Variants in TBL2 observed in about 807,000 individuals in gnomAD.
The protein encoded by TBL2 is transducin beta-like protein 2.
Under a neutral mutation model 41.8 loss-of-function variants are expected in TBL2, and 33 were observed. The ratio of observed to expected loss-of-function variants is 0.79; its 90% CI spans 0.60 to 1.06. The LOEUF (loss-of-function observed/expected upper bound fraction) is 1.06. Among genes scored for constraint, TBL2 ranks in the 50% least tolerant of loss-of-function variants. TBL2 has a pLI of 0.00. For missense variants in TBL2, 522 were observed against 603.8 expected (o/e 0.86, Z 1.42); for synonymous variants, 239 against 241.7 (o/e 0.99, Z 0.10).
chr7:73,570,880 C>T lies in TBL2; in HGVS notation c.971G>A (p.Gly324Asp). Residue 324 changes from glycine to aspartate, a missense_variant, in exon 7 of 7, where the codon GGC becomes GAC. Coordinates refer to ENST00000305632, the MANE Select transcript of TBL2 (RefSeq NM_012453.4). ...KKQDPYLLKT[G>D]RFEEAAGAAP... Reference sequence around the variant, plus strand: ...GGCACCCGCCGCCTCTTCAAAGCGGCCTGTCTTCAGCAAGTAGGGGTCCTG... The same window carrying T: ...GGCACCCGCCGCCTCTTCAAAGCGGTCTGTCTTCAGCAAGTAGGGGTCCTG... 1 of 1,613,910 alleles carries T rather than the reference C, an allele frequency of 6.2e-7. No individual in the cohort carries two copies. The highest frequency in any genetic ancestry group is 1.3e-5 in the African/African-American group (1 of 75,064).
chr7:73,577,130 G>A (rs944820259), intron 1 of TBL2, among the ~76,000 whole-genome samples: 1 of 151,560 alleles, frequency 6.6e-6, no homozygotes, highest in African/African-American at 2.4e-5. Context: ...GTGTGGTGTC[G>A]GACGCCTGTA....
Position 73,573,931 on chromosome 7 carries a change from G to C in TBL2, c.446+7C>G, listed in dbSNP as rs781896490. 6.2e-7 allele frequency: 1 copy of C among 1,612,354 alleles called. No homozygotes were observed. The highest frequency in any genetic ancestry group is 1.3e-5 in the African/African-American group (1 of 74,926). ...GCAGGCAAACCTGAGGCTCCGTCTT[G>C]TCCCACCTGCAGTCAGGGCTGAAGC... is the stretch of plus-strand genomic sequence containing the variant. On this transcript the variant is annotated splice_region_variant and intron_variant, in intron 3 of 6. Coordinates refer to ENST00000305632, the MANE Select transcript of TBL2 (RefSeq NM_012453.4).
At chr7:73,574,825 C>A (rs1474012970) in intron 1 of TBL2, 4 of 438,450 alleles carry the variant, frequency 9.1e-6, no homozygotes, top group Non-Finnish European at 1.7e-5. Context: ...AAAAAACAAA[C>A]AGAAAACAGA....
rs1232813354 is a variant in TBL2 at position 73,569,878 on chromosome 7, C to T, written c.*629G>A. On this transcript the variant is annotated 3_prime_UTR_variant, in exon 7 of 7. Coordinates refer to ENST00000305632, the MANE Select transcript of TBL2 (RefSeq NM_012453.4). ...TGGTTTCAAAGCACACTGGTTCCCA[C>T]TTTTACCACTTTCATGACATTGGAC... 1.3e-5 allele frequency: 2 copies of T among 152,218 alleles called. No homozygotes were observed. The highest frequency in any genetic ancestry group is 2.9e-5 in the Non-Finnish European group (2 of 68,046). The allele number at this position is 152,218 out of a possible 1,614,324, so 9.4% of individuals were successfully genotyped here.
intron 1 of TBL2, chr7:73,574,917 G>GT (rs1453924187): frequency 2.9e-6 from 1 of 348,266 alleles, no homozygotes; most frequent in African/African-American, 2.1e-5. Flanking sequence ...GCTGTTTACA[G>GT]TAAGTCCACA....
chr7:73,574,939 T>G (rs1584033851), intron 1 of TBL2: 3 of 321,702 alleles, frequency 9.3e-6, no homozygotes, highest in East Asian at 1.6e-4. Context: ...AGCACCTTCA[T>G]GTAGAGTGGA....
rs781797266 is a variant in TBL2, at chr7:73,570,945, T to A, written c.906A>T (p.Thr302=). ...RRMASVSKDG[T]WKLWDTDVEY... is the part of the protein sequence containing the mutation. ...CCACATCTGTGTCCCACAGTTTCCA[T>A]GTACCATCCTTGGAGACAGAAGCCA... The change falls in exon 7 of 7, where the codon ACA becomes ACT. Residue 302 remains threonine (T), a synonymous_variant. Transcript: ENST00000305632. The A allele has an allele frequency of 6.2e-7, 1 of 1,608,914 alleles. No homozygotes were observed. Among genetic ancestry groups the A allele is most frequent in the Non-Finnish European group, 8.5e-7 (1 of 1,177,034 alleles).
intron 1 of TBL2, 171 bp downstream of exon 1, chr7:73,578,249 G>A: frequency 2.0e-6 from 3 of 1,531,782 alleles, no homozygotes; most frequent in African/African-American, 2.8e-5. Context: ...GCCTAACCCG[G>A]CAAGGCGGGT....
Position 73,570,345 on chromosome 7 carries a change from C to A in TBL2, c.*162G>T. 1 of 1,279,306 alleles carries A rather than the reference C, an allele frequency of 7.8e-7. No homozygotes were observed. The highest frequency in any genetic ancestry group is 1.0e-6 in the Non-Finnish European group (1 of 970,148). The allele number at this position is 1,279,306 out of a possible 1,614,324, so 79.2% of individuals were successfully genotyped here. The stretch of plus-strand genomic sequence containing the variant: ...TCACAGCCAGCAAGAAGAGAGAGAC[C>A]TAAGTAGACAAGAGTAGTTTCAATG... On this transcript the variant is annotated 3_prime_UTR_variant, in exon 7 of 7. Transcript: ENST00000305632.
intron 3 of TBL2, 99 bp downstream of exon 3, chr7:73,573,839 G>T: frequency 6.9e-7 from 1 of 1,447,568 alleles, no homozygotes; most frequent in South Asian, 1.3e-5. Flanking sequence ...GGGAGGCCCT[G>T]GGTCCAGGTC....
intron 1 of TBL2, chr7:73,577,970 T>C (rs1360983484): frequency 2.8e-6 from 1 of 355,502 alleles, no homozygotes. Flanking sequence ...GTTTTTCACT[T>C]ACATATTTAG....
chr7:73,569,918 T>C lies in TBL2; in HGVS notation c.*589A>G, dbSNP rs1408109768. 2 of 152,278 alleles carry C rather than the reference T, an allele frequency of 1.3e-5. No individual in the cohort carries two copies. The highest frequency in any genetic ancestry group is 6.5e-5 in the Admixed American group (1 of 15,282). The allele number at this position is 152,278 out of a possible 1,614,324, so 9.4% of individuals were successfully genotyped here. A position where few individuals can be genotyped will look rare whatever the true frequency, so the allele number is the denominator to read the frequency against. ...TGACATTGGACAATAGTACTACTCT[T>C]TTCTACTTTTCTTCCAGACCTGGGG... On this transcript the variant is annotated 3_prime_UTR_variant, in exon 7 of 7. Transcript: ENST00000305632.
chr7:73,570,006 A>G lies in TBL2; in HGVS notation c.*501T>C, dbSNP rs1236134652. 6.5e-6 allele frequency: 1 copy of G among 153,962 alleles called. No individual in the cohort carries two copies. The highest frequency in any genetic ancestry group is 1.4e-5 in the Non-Finnish European group (1 of 69,376). 9.5% of individuals were successfully genotyped at this position (153,962 alleles called of 1,614,324 possible). The stretch of plus-strand genomic sequence containing the variant: ...GAGTTCACAGAGAGGATTATTCTCC[A>G]TCTTACAAATAGAACTGAGGCCCAG... On this transcript the variant is annotated 3_prime_UTR_variant, in exon 7 of 7. Coordinates refer to ENST00000305632, the MANE Select transcript of TBL2 (RefSeq NM_012453.4).
At chr7:73,572,186 C>T (rs972027977) in intron 5 of TBL2, among the ~76,000 whole-genome samples, 2 of 152,116 alleles carry the variant, frequency 1.3e-5, no homozygotes, top group Non-Finnish European at 2.9e-5. Context: ...CAGTGGCTCA[C>T]GCCTGTAATT....
chr7:73,573,010 C>T, intron 4 of TBL2, 40 bp from the exon 5 acceptor site: 1 of 1,612,726 alleles, frequency 6.2e-7, no homozygotes, highest in Non-Finnish European at 8.5e-7. Flanking sequence ...GGGCAGTGAC[C>T]TGACCAACTG....
Position 73,567,553 on chromosome 7 carries a change from A to C in TBL2, c.*2954T>G, listed in dbSNP as rs12531884. Among the ~76,000 whole-genome samples, 47,269 of 151,918 alleles carry C rather than the reference A, an allele frequency of 0.31. 9,223 individuals are homozygous for C. The highest frequency in any genetic ancestry group is 0.41 in the East Asian group (2,101 of 5,172). ...ACACCGCCATTTAAAATATTTCCCCAAATTTTTTTTTTGAAAAATTTCACA... is the reference window on the plus strand; with the variant it reads ...ACACCGCCATTTAAAATATTTCCCCCAATTTTTTTTTTGAAAAATTTCACA... On this transcript the variant is annotated 3_prime_UTR_variant, in exon 7 of 7. Transcript: ENST00000305632.
rs782018334 is a variant in TBL2 at position 73,573,491 on chromosome 7, A to C, written c.447-20T>G. On this transcript the variant is annotated intron_variant, in intron 3 of 6. Transcript: ENST00000305632. ...AAGGCTCTAGAGACAGGCAGCAGAC[A>C]AGTCACGCTCTCACTGGACAAAGAG... is the stretch of plus-strand genomic sequence containing the variant. 43 of 1,613,382 alleles carry C rather than the reference A, an allele frequency of 2.7e-5. No homozygotes were observed. The East Asian group carries it at 9.6e-4, about 36-fold the overall frequency.
At chr7:73,574,751 G>A (rs1793191663) in intron 1 of TBL2, 2 of 595,430 alleles carry the variant, frequency 3.4e-6, no homozygotes, top group Admixed American at 2.5e-5. Context: ...CGAGGCTGCA[G>A]TAAGCTATGA....
intron 1 of TBL2, chr7:73,578,209 G>C (rs1793460850): frequency 1.3e-6 from 2 of 1,519,200 alleles, no homozygotes; most frequent in East Asian, 5.0e-5. Flanking sequence ...AAGGGGCCCA[G>C]GTTGGAGCCA....
Sources: gnomAD v4.1 joint callset for allele counts (sites outside exome capture counted in the v4.1 genomes callset) on GRCh38, gnomAD v4.1.1 for gene constraint, MANE v1.5 for transcripts, NCBI Gene and HGNC (gene_info 2026-07-23, HGNC 2026-07-21) for gene names.